Variants in FARP1 observed in about 807,000 individuals in gnomAD.
FARP1 encodes FERM, ARHGEF and pleckstrin domain-containing protein 1.
A neutral mutation model predicts 128.8 loss-of-function variants in FARP1; 52 were observed. The observed-to-expected ratio is 0.40, with a 90% CI of 0.32 to 0.51. The LOEUF (loss-of-function observed/expected upper bound fraction) is 0.51. FARP1 is among the 20% of genes least tolerant of loss of function. The probability of loss-of-function intolerance (pLI) is 0.45; values close to 1 mark genes in which losing one functional copy is unlikely to be tolerated. For missense variants in FARP1, 1,333 were observed against 1,367.9 expected (o/e 0.97, Z 0.40); for synonymous variants, 580 against 551.8 (o/e 1.05, Z -0.72).
In FARP1 at chr13:98,449,481, C is replaced by T. The variant is rs1255678679; in HGVS notation, c.*1164C>T. The stretch of plus-strand genomic sequence containing the variant: ...TGCCATTCCCTTGGTTTTCCTAAGC[C>T]CTTTCTAACGAGAGTCTCAAACAAG... On this transcript the variant is annotated 3_prime_UTR_variant, in exon 27 of 27. Coordinates refer to ENST00000319562, the MANE Select transcript of FARP1 (RefSeq NM_005766.4). 1 of 152,246 alleles carries T rather than the reference C, an allele frequency of 6.6e-6. No homozygotes were observed. Among genetic ancestry groups the T allele is most frequent in the Non-Finnish European group, 1.5e-5 (1 of 68,034 alleles). The allele number at this position is 152,246 out of a possible 1,614,324, so 9.4% of individuals were successfully genotyped here.
At chr13:98,253,886 T>G (rs1456024188) in intron 2 of FARP1, among the ~76,000 whole-genome samples, 3 of 152,204 alleles carry the variant, frequency 2.0e-5, no homozygotes, top group African/African-American at 7.2e-5. Context: ...TCCACTGTCT[T>G]GTTTGTGTGT....
intron 2 of FARP1, among the ~76,000 whole-genome samples, chr13:98,257,717 C>T (rs918059152): frequency 6.6e-6 from 1 of 152,114 alleles, no homozygotes; most frequent in Non-Finnish European, 1.5e-5. Context: ...TTGTAGTGAG[C>T]CGAGATTGCA....
chr13:98,249,396 A>G (rs1178253960), intron 2 of FARP1, among the ~76,000 whole-genome samples: 1 of 152,218 alleles, frequency 6.6e-6, no homozygotes, highest in Non-Finnish European at 1.5e-5. Context: ...TTTATGTGAC[A>G]TGGTAAGAAC....
chr13:98,266,719 G>A (rs1272578538), intron 2 of FARP1, among the ~76,000 whole-genome samples: 4 of 152,102 alleles, frequency 2.6e-5, no homozygotes, highest in African/African-American at 4.8e-5. Flanking sequence ...AATTCTACAC[G>A]GATGGCATGA....
At chr13:98,389,898 A>G in intron 9 of FARP1, 59 bp from the exon 10 acceptor site, 12 of 1,528,480 alleles carry the variant, frequency 7.9e-6, no homozygotes, top group Non-Finnish European at 1.1e-5. Context: ...CTTTTCTCCT[A>G]TTTCAGTGGT....
chr13:98,387,782 T>C (rs1253921542), intron 8 of FARP1, among the ~76,000 whole-genome samples: 1 of 152,204 alleles, frequency 6.6e-6, no homozygotes. Context: ...CCGGTGCTGT[T>C]GGAAGCTTGA....
Position 98,440,830 on chromosome 13 carries a change from A to C in FARP1, c.2790A>C (p.Ala930=), listed in dbSNP as rs1195457040. 21 of 1,604,724 alleles carry C rather than the reference A, an allele frequency of 1.3e-5. No homozygotes were observed. Among genetic ancestry groups the C allele is most frequent in the Non-Finnish European group, 1.6e-5 (19 of 1,176,750 alleles). Reference sequence around the variant, plus strand: ...TCTCCATGGTGGACTTCAGCATCGCAGTGGAGGTACGCAGGGGCAGGGCAG... The same window carrying C: ...TCTCCATGGTGGACTTCAGCATCGCCGTGGAGGTACGCAGGGGCAGGGCAG... ...TSVSMVDFSI[A]VENQLSGNLL... Residue 930 remains alanine, a synonymous_variant, in exon 24 of 27, where the codon GCA becomes GCC. Coordinates refer to ENST00000319562, the MANE Select transcript of FARP1 (RefSeq NM_005766.4).
intron 2 of FARP1, among the ~76,000 whole-genome samples, chr13:98,216,021 C>T (rs942866928): frequency 9.2e-5 from 14 of 152,270 alleles, no homozygotes; most frequent in African/African-American, 3.4e-4. Flanking sequence ...GATCTCCTGA[C>T]CTCGTGATCC....
chr13:98,251,060 T>A (rs1207438051), intron 2 of FARP1, among the ~76,000 whole-genome samples: 1 of 152,228 alleles, frequency 6.6e-6, no homozygotes, highest in Non-Finnish European at 1.5e-5. Context: ...TACATAAATA[T>A]GTTTATTCTT....
In FARP1 at chr13:98,453,260, G is replaced by T; in HGVS notation, c.*4943G>T. On this transcript the variant is annotated 3_prime_UTR_variant, in exon 27 of 27. Transcript: ENST00000319562. The stretch of plus-strand genomic sequence containing the variant: ...TCAACACATGTCATTTCTCATCCCT[G>T]TGCAAAAATTCATATAGTAACCAAA... 6.3e-7 allele frequency: 1 copy of T among 1,576,400 alleles called. No individual in the cohort carries two copies. Among genetic ancestry groups the T allele is most frequent in the Non-Finnish European group, 8.6e-7 (1 of 1,162,108 alleles).
chr13:98,439,285 A>G (rs1278491622), intron 21 of FARP1, 89 bp downstream of exon 21: 4 of 866,780 alleles, frequency 4.6e-6, no homozygotes, highest in Non-Finnish European at 5.6e-6. Flanking sequence ...AGGGAAGGAG[A>G]CTGGATAGGG....
intron 1 of FARP1, among the ~76,000 whole-genome samples, chr13:98,153,704 C>T (rs2139104629): frequency 6.6e-6 from 1 of 151,526 alleles, no homozygotes; most frequent in East Asian, 1.9e-4. Context: ...GCTGGGATTA[C>T]AGGTGCCTGT....
chr13:98,446,264 AG>A (rs1183243987), intron 25 of FARP1, 59 bp downstream of exon 25: 3 of 1,110,628 alleles, frequency 2.7e-6, no homozygotes, highest in Non-Finnish European at 4.1e-6. Context: ...GCATGAGGTG[AG>A]GGGGCCGCCC....
intron 1 of FARP1, among the ~76,000 whole-genome samples, chr13:98,198,020 G>T (rs1879687730): frequency 6.6e-6 from 1 of 152,166 alleles, no homozygotes; most frequent in Admixed American, 6.5e-5. Flanking sequence ...GTTTATTAAA[G>T]AAAATACCCA....
chr13:98,154,348 A>G (rs1470412646), intron 1 of FARP1, among the ~76,000 whole-genome samples: 1 of 152,184 alleles, frequency 6.6e-6, no homozygotes, highest in East Asian at 1.9e-4. Flanking sequence ...CCATTTTAAC[A>G]GGTGTGTAGT....
chr13:98,360,773 A>G (rs675471), intron 3 of FARP1, among the ~76,000 whole-genome samples: 1 of 152,176 alleles, frequency 6.6e-6, no homozygotes. Context: ...CTAGAGGTCC[A>G]TTCATTTCAG....
chr13:98,250,644 C>G (rs1883278185), intron 2 of FARP1, among the ~76,000 whole-genome samples: 1 of 151,726 alleles, frequency 6.6e-6, no homozygotes, highest in African/African-American at 2.4e-5. Flanking sequence ...TCGCTTGAAC[C>G]CGAGAGGCAG....
At position 98,450,411 on chromosome 13, in the gene FARP1, A is replaced by ACTT. The variant is rs1250833459; in HGVS notation, c.*2096_*2098dup. ...TGCTACATACAGAACCAAACCAGCC[A>ACTT]CTTCACAAGAGCAATGCAGGGATAA... On this transcript the variant is annotated 3_prime_UTR_variant, in exon 27 of 27. Transcript: ENST00000319562. 4.5e-4 allele frequency: 68 copies of ACTT among 152,140 alleles called. 2 individuals carry two copies. The highest frequency in any genetic ancestry group is 2.9e-5 in the Non-Finnish European group (2 of 67,996). The allele number at this position is 152,140 out of a possible 1,614,324, so 9.4% of individuals were successfully genotyped here. A position where few individuals can be genotyped will look rare whatever the true frequency, so the allele number is the denominator to read the frequency against.
rs56127904 is a variant in FARP1 at position 98,181,597 on chromosome 13, ATTATTTAT to A, written c.-23-31584_-23-31577del. Among the ~76,000 whole-genome samples, 382 of 135,506 alleles carry A rather than the reference ATTATTTAT, an allele frequency of 2.8e-3. 3 individuals are homozygous for A. The highest frequency in any genetic ancestry group is 7.4e-3 in the Middle Eastern group (2 of 272). The allele number at this position is 135,506 out of a possible 152,430, so 88.9% of individuals were successfully genotyped here. A position where few individuals can be genotyped will look rare whatever the true frequency, so the allele number is the denominator to read the frequency against. The stretch of plus-strand genomic sequence containing the variant: ...CTAAATCTTACCATTTAGAAATAAT[ATTATTTAT>A]TTATTTATTTATTTATTTATTTATT... On this transcript the variant is annotated intron_variant, in intron 1 of 26. Coordinates refer to ENST00000319562, the MANE Select transcript of FARP1 (RefSeq NM_005766.4).
Sources: allele counts gnomAD v4.1 joint callset (sites outside exome capture counted in the v4.1 genomes callset), GRCh38; gene constraint gnomAD v4.1.1; transcripts MANE v1.5; gene names NCBI Gene and HGNC (gene_info 2026-07-23, HGNC 2026-07-21).